FNDC3B: variants seen among roughly 807,000 people sequenced by gnomAD.
The protein encoded by FNDC3B is fibronectin type III domain containing 3B.
FNDC3B carries 12 observed loss-of-function variants against 151.5 expected under a neutral mutation model. That is an observed-to-expected ratio of 0.08 (90% CI 0.05 to 0.13). FNDC3B has a LOEUF of 0.13. Ranked by LOEUF, FNDC3B falls within the 10% of genes least tolerant of loss-of-function variation. The probability of loss-of-function intolerance (pLI) is 1.00; values close to 1 mark genes in which losing one functional copy is unlikely to be tolerated. For synonymous variants in FNDC3B, 528 were observed against 549.0 expected, an observed-to-expected ratio of 0.96 and a Z score of 0.54; for missense variants, 1,214 against 1,505.3, an observed-to-expected ratio of 0.81 and a Z score of 3.20.
intron 11 of FNDC3B, among the ~76,000 whole-genome samples, chr3:172,316,765 T>C (rs1576904459): frequency 6.6e-6 from 1 of 152,244 alleles, no homozygotes; most frequent in Non-Finnish European, 1.5e-5. Flanking sequence ...ATATCAATGA[T>C]ATGATGTTTA....
chr3:172,069,019 T>C (rs1004840985), intron 1 of FNDC3B, among the ~76,000 whole-genome samples: 1 of 152,306 alleles, frequency 6.6e-6, no homozygotes, highest in South Asian at 2.1e-4. Context: ...GGACATAACA[T>C]CATTCCCCTC....
intron 25 of FNDC3B, among the ~76,000 whole-genome samples, chr3:172,387,077 T>C (rs1301156603): frequency 3.3e-5 from 5 of 152,050 alleles, no homozygotes; most frequent in African/African-American, 9.7e-5. Flanking sequence ...TTGTCTCAGC[T>C]TCCCAAGTAG....
intron 7 of FNDC3B, among the ~76,000 whole-genome samples, chr3:172,293,802 T>A (rs1303051922): frequency 6.6e-6 from 1 of 152,230 alleles, no homozygotes; most frequent in Non-Finnish European, 1.5e-5. Context: ...AAGGACAGAC[T>A]GAAGAGAGAC....
intron 25 of FNDC3B, among the ~76,000 whole-genome samples, chr3:172,385,168 A>C (rs1735643106): frequency 6.6e-6 from 1 of 152,188 alleles, no homozygotes; most frequent in Admixed American, 6.5e-5. Flanking sequence ...AGGGAATGAA[A>C]CATATTTATG....
chr3:172,346,680 G>T (rs1733632087), intron 20 of FNDC3B, among the ~76,000 whole-genome samples: 2 of 149,854 alleles, frequency 1.3e-5, no homozygotes, highest in South Asian at 2.1e-4. Context: ...CTTTCTTTTT[G>T]TAAAAAATTT....
At chr3:172,071,733 TA>T (rs1269056298) in intron 1 of FNDC3B, among the ~76,000 whole-genome samples, 1 of 152,282 alleles carries the variant, frequency 6.6e-6, no homozygotes, top group East Asian at 1.9e-4. Context: ...ACTTATTAGC[TA>T]AAAAAGGGTA....
intron 2 of FNDC3B, among the ~76,000 whole-genome samples, chr3:172,131,953 A>G (rs554253280): frequency 2.6e-4 from 39 of 152,310 alleles, no homozygotes; most frequent in Non-Finnish European, 4.4e-4. Flanking sequence ...TATGCCAGGC[A>G]TGGGGCTAGA....
chr3:172,343,967 G>T, intron 18 of FNDC3B, 119 bp from the exon 19 acceptor site: 1 of 805,124 alleles, frequency 1.2e-6, no homozygotes, highest in East Asian at 2.5e-5. Context: ...TCTTTTGTAA[G>T]GGAGATACTG....
intron 12 of FNDC3B, 120 bp downstream of exon 12, chr3:172,329,196 TTCCAAGA>T: frequency 8.4e-7 from 1 of 1,192,766 alleles, no homozygotes; most frequent in Non-Finnish European, 1.2e-6. Flanking sequence ...ACTGGAGGTT[TTCCAAGA>T]GGGAATCCTA....
Position 172,337,347 on chromosome 3 carries a change from G to A in FNDC3B, c.1798G>A (p.Gly600Ser). ...SVKWDPPKDN[G>S]GSEILKYLLE... ...TTTTCCAGATCCCCCTAAGGACAAT[G>A]GTGGTTCAGAAATCCTCAAGTACTT... The change falls in exon 16 of 26, where the codon GGT (glycine) becomes AGT (serine). Residue 600 changes from glycine (G) to serine (S), a missense_variant. Physicochemically the swap from Gly to Ser is moderately conservative, Grantham distance 56. Around this residue, in one of 7 missense-constraint regions of FNDC3B, gnomAD observed 380 missense variants for 420.9 expected, o/e 0.90. Coordinates refer to ENST00000415807, the MANE Select transcript of FNDC3B (RefSeq NM_022763.4). 6.2e-7 allele frequency: 1 copy of A among 1,610,682 alleles called. No individual in the cohort carries two copies. The highest frequency in any genetic ancestry group is 8.5e-7 in the Non-Finnish European group (1 of 1,177,212).
intron 6 of FNDC3B, among the ~76,000 whole-genome samples, chr3:172,252,549 C>A (rs1018696176): frequency 6.6e-6 from 1 of 151,322 alleles, no homozygotes; most frequent in African/African-American, 2.4e-5. Context: ...GAAAAAGGGA[C>A]TGTGTCTGTG....
At chr3:172,288,551 G>T (rs1029192874) in intron 7 of FNDC3B, among the ~76,000 whole-genome samples, 5 of 152,190 alleles carry the variant, frequency 3.3e-5, no homozygotes, top group African/African-American at 1.2e-4. Context: ...AGCTGGAGTT[G>T]TTAATTCTGT....
chr3:172,114,212 C>T (rs901808039), intron 2 of FNDC3B, among the ~76,000 whole-genome samples: 8 of 152,178 alleles, frequency 5.3e-5, no homozygotes, highest in Non-Finnish European at 1.2e-4. Context: ...TCTCTGCCTG[C>T]TCTTCTGCTC....
chr3:172,071,475 G>A (rs1717769276), intron 1 of FNDC3B, among the ~76,000 whole-genome samples: 2 of 152,118 alleles, frequency 1.3e-5, no homozygotes, highest in Admixed American at 1.3e-4. Context: ...TATGAATTTA[G>A]CCTGACTTGG....
intron 6 of FNDC3B, among the ~76,000 whole-genome samples, chr3:172,264,354 A>G (rs1728810320): frequency 6.6e-6 from 1 of 152,186 alleles, no homozygotes; most frequent in African/African-American, 2.4e-5. Flanking sequence ...CCTGCTACCC[A>G]TAGTTGGAAT....
chr3:172,253,866 G>A (rs1366467018), intron 6 of FNDC3B, among the ~76,000 whole-genome samples: 1 of 151,532 alleles, frequency 6.6e-6, no homozygotes, highest in Non-Finnish European at 1.5e-5. Flanking sequence ...TGCAACCTCC[G>A]CCTCCCAGGT....
chr3:172,073,544 C>G (rs918338768), intron 1 of FNDC3B, among the ~76,000 whole-genome samples: 1 of 152,132 alleles, frequency 6.6e-6, no homozygotes, highest in African/African-American at 2.4e-5. Context: ...CCAAATATCA[C>G]TAGAAAGTGA....
chr3:172,065,810 A>G (rs1717470686), intron 1 of FNDC3B, among the ~76,000 whole-genome samples: 1 of 152,228 alleles, frequency 6.6e-6, no homozygotes, highest in African/African-American at 2.4e-5. Context: ...ATATTAGAAC[A>G]CTGGCTTCCC....
At chr3:172,124,771 C>T (rs1336639912) in intron 2 of FNDC3B, among the ~76,000 whole-genome samples, 1 of 152,296 alleles carries the variant, frequency 6.6e-6, no homozygotes, top group Non-Finnish European at 1.5e-5. Context: ...GAAACAGTGG[C>T]TTTTAATGGA....
Sources: gnomAD v4.1 joint callset for allele counts (sites outside exome capture counted in the v4.1 genomes callset) on GRCh38, gnomAD v4.1.1 for gene constraint, gnomAD v4.1.1 regional missense constraint, MANE v1.5 for transcripts, NCBI Gene and HGNC (gene_info 2026-07-23, HGNC 2026-07-21) for gene names.